Variants in ESR2 observed in about 807,000 individuals in gnomAD.
ESR2 encodes the protein estrogen receptor 2.
ESR2 carries 36 observed loss-of-function variants against 49.6 expected under a neutral mutation model. The observed-to-expected ratio is 0.73, with a 90% CI of 0.56 to 0.96. The LOEUF is 0.96. Among genes scored for constraint, ESR2 ranks in the 40% least tolerant of loss-of-function variants. The pLI, the probability that ESR2 is intolerant of heterozygous loss-of-function variation, is 0.00. For synonymous variants in ESR2, 320 were observed against 266.1 expected (o/e 1.20, Z -1.97); for missense variants, 714 against 693.0 (o/e 1.03, Z -0.34).
At position 64,230,166 on chromosome 14, in the gene ESR2, T is replaced by C. The variant is rs553701666; in HGVS notation, c.*2971A>G. Among the ~76,000 whole-genome samples, 860 of 145,902 alleles carry C rather than the reference T, an allele frequency of 5.9e-3. 7 individuals are homozygous for C. Among genetic ancestry groups the C allele is most frequent in the Non-Finnish European group, 9.0e-3 (603 of 67,208 alleles). On this transcript the variant is annotated 3_prime_UTR_variant, in exon 9 of 9. Transcript: ENST00000341099. Reference sequence around the variant, plus strand: ...GAGCCATGATGGCGCCACTGCACTCTAGCCTGAGCAACAGGAGTCAGACCC... The same window carrying C: ...GAGCCATGATGGCGCCACTGCACTCCAGCCTGAGCAACAGGAGTCAGACCC...
downstream of ESR2, chr14:64,226,836 A>G (rs1424835447): frequency 6.6e-6 from 1 of 152,102 alleles, no homozygotes; most frequent in African/African-American, 2.4e-5. Flanking sequence ...GATTACAAGC[A>G]CACACCACCA....
In ESR2 at chr14:64,230,747, TCA is replaced by T. The variant is rs1357651229; in HGVS notation, c.*2388_*2389del. ...CGGTGAGAATAGCTCAGCTGGAAAC[TCA>T]CTGTGCGGCGCTCCTGATACTGCCC... On this transcript the variant is annotated 3_prime_UTR_variant, in exon 9 of 9. Transcript: ENST00000341099. 1.3e-5 allele frequency among the ~76,000 whole-genome samples: 2 copies of T among 151,562 alleles called. No individual in the cohort carries two copies. The highest frequency in any genetic ancestry group is 2.9e-5 in the Non-Finnish European group (2 of 67,934).
At chr14:64,263,178 C>T (rs1459198750) in intron 4 of ESR2, among the ~76,000 whole-genome samples, 1 of 151,710 alleles carries the variant, frequency 6.6e-6, no homozygotes, top group Non-Finnish European at 1.5e-5. Context: ...AGAGATATAC[C>T]TAACATATAG....
chr14:64,312,115 T>C (rs1382554375), intron 1 of ESR2, among the ~76,000 whole-genome samples: 5 of 152,094 alleles, frequency 3.3e-5, no homozygotes, highest in African/African-American at 1.2e-4. Context: ...GTTCTATACT[T>C]TACTCAAACT....
At chr14:64,272,635 AC>A (rs199772535) in intron 3 of ESR2, among the ~76,000 whole-genome samples, 1 of 152,142 alleles carries the variant, frequency 6.6e-6, no homozygotes, top group East Asian at 1.9e-4. Flanking sequence ...TTTTCCCAGC[AC>A]CATTTATTGA....
chr14:64,332,407 T>C (rs1335090777), intron 1 of ESR2: 1 of 152,222 alleles, frequency 6.6e-6, no homozygotes, highest in Non-Finnish European at 1.5e-5. Flanking sequence ...CAACAGAATG[T>C]AAATCTGGAT....
chr14:64,243,782 C>T (rs148401869), intron 7 of ESR2, among the ~76,000 whole-genome samples: 81 of 152,270 alleles, frequency 5.3e-4, no homozygotes, highest in African/African-American at 1.8e-3. Context: ...GGGATTGTTT[C>T]GCCCGCTCCT....
At chr14:64,335,185 G>C (rs2077513372) in intron 1 of ESR2, among the ~76,000 whole-genome samples, 1 of 152,174 alleles carries the variant, frequency 6.6e-6, no homozygotes, top group South Asian at 2.1e-4. Context: ...ATGTAACAGT[G>C]ATCAGGGAAG....
At chr14:64,311,663 A>T (rs1442972002) in intron 1 of ESR2, among the ~76,000 whole-genome samples, 2 of 150,886 alleles carry the variant, frequency 1.3e-5, no homozygotes, top group Non-Finnish European at 3.0e-5. Flanking sequence ...AAAAAAAAAA[A>T]ATTAGCCAGG....
At chr14:64,260,326 G>C in intron 5 of ESR2, 123 bp downstream of exon 5, 2 of 978,960 alleles carry the variant, frequency 2.0e-6, no homozygotes, top group Non-Finnish European at 3.3e-6. Flanking sequence ...TACAAATCCA[G>C]CTGAGGACCT....
intron 1 of ESR2, among the ~76,000 whole-genome samples, chr14:64,315,419 A>C (rs891766690): frequency 7.9e-5 from 12 of 152,126 alleles, no homozygotes; most frequent in Admixed American, 7.9e-4. Flanking sequence ...AATTCTTTGA[A>C]AAACACAAAC....
At chr14:64,284,761 C>A (rs1405920891) in intron 1 of ESR2, among the ~76,000 whole-genome samples, 2 of 152,170 alleles carry the variant, frequency 1.3e-5, no homozygotes, top group African/African-American at 4.8e-5. Flanking sequence ...GTTAACTTTA[C>A]TCATCAAGGC....
intron 4 of ESR2, among the ~76,000 whole-genome samples, 166 bp downstream of exon 4, chr14:64,268,629 T>C (rs1490857559): frequency 6.6e-6 from 1 of 152,228 alleles, no homozygotes; most frequent in Non-Finnish European, 1.5e-5. Flanking sequence ...CTCTGTCCTC[T>C]GCAGTTACTG....
intron 4 of ESR2, among the ~76,000 whole-genome samples, chr14:64,267,101 G>C (rs989865168): frequency 2.0e-5 from 3 of 152,168 alleles, no homozygotes; most frequent in Non-Finnish European, 2.9e-5. Flanking sequence ...GGATGGTCTT[G>C]ATCTCTTGAC....
At chr14:64,303,034 A>T (rs550164464) in intron 1 of ESR2, among the ~76,000 whole-genome samples, 6 of 152,224 alleles carry the variant, frequency 3.9e-5, no homozygotes. Context: ...TCCCGACCTC[A>T]GGTAATCCTC....
intron 1 of ESR2, among the ~76,000 whole-genome samples, chr14:64,303,028 G>A (rs774384887): frequency 3.9e-5 from 6 of 152,022 alleles, no homozygotes; most frequent in Non-Finnish European, 5.9e-5. Flanking sequence ...TCCAACTCCC[G>A]ACCTCAGGTA....
At chr14:64,268,061 G>A (rs1567760411) in intron 4 of ESR2, among the ~76,000 whole-genome samples, 1 of 152,184 alleles carries the variant, frequency 6.6e-6, no homozygotes, top group Non-Finnish European at 1.5e-5. Flanking sequence ...GTACAGACAA[G>A]TGAACCAAAA....
intron 1 of ESR2, among the ~76,000 whole-genome samples, chr14:64,307,380 T>C (rs2077118246): frequency 6.7e-6 from 1 of 150,042 alleles, no homozygotes; most frequent in African/African-American, 2.5e-5. Context: ...CCCAGCTAAT[T>C]TTTTTTGTAT....
chr14:64,279,964 T>A lies in ESR2; in HGVS notation c.535+17A>T, dbSNP rs200505981. The A allele has an allele frequency of 2.3e-5, 36 of 1,599,674 alleles. No homozygotes were observed. The highest frequency in any genetic ancestry group is 2.9e-5 in the Non-Finnish European group (34 of 1,168,802). On this transcript the variant is annotated intron_variant, in intron 3 of 8. Coordinates refer to ENST00000341099, the MANE Select transcript of ESR2 (RefSeq NM_001437.3). Reference sequence around the variant, plus strand: ...AAAAGTAGGAAACTAAAGAAGCAGTTAACAATTCTCTTGTACCTTGAATGC... The same window carrying A: ...AAAAGTAGGAAACTAAAGAAGCAGTAAACAATTCTCTTGTACCTTGAATGC...
Sources: gnomAD v4.1 joint callset for allele counts (sites outside exome capture counted in the v4.1 genomes callset) on GRCh38, gnomAD v4.1.1 for gene constraint, MANE v1.5 for transcripts, NCBI Gene and HGNC (gene_info 2026-07-23, HGNC 2026-07-21) for gene names.